The following CFAP61 variants were observed in gnomAD, a reference collection of about 807,000 sequenced individuals.
CFAP61 encodes the protein cilia and flagella associated protein 61, also known as cilia- and flagella-associated protein 61.
In CFAP61, 107 loss-of-function variants were observed where a neutral mutation model predicts 135.6. The observed-to-expected ratio is 0.79, with a 90% CI of 0.67 to 0.93. The LOEUF is 0.93. Ranked by LOEUF, CFAP61 falls within the 40% of genes least tolerant of loss-of-function variation. CFAP61 has a pLI of 0.00. For synonymous variants in CFAP61, 575 were observed against 578.5 expected (o/e 0.99, Z 0.09); for missense variants, 1,507 against 1,556.2 (o/e 0.97, Z 0.53).
chr20:20,249,150 C>T (rs936954429), intron 19 of CFAP61, among the ~76,000 whole-genome samples: 1 of 152,174 alleles, frequency 6.6e-6, no homozygotes, highest in Non-Finnish European at 1.5e-5. Flanking sequence ...AAAAATATCA[C>T]TTACAGTCTT....
chr20:20,090,458 G>A (rs997134177), intron 6 of CFAP61, among the ~76,000 whole-genome samples: 4 of 152,102 alleles, frequency 2.6e-5, no homozygotes, highest in African/African-American at 4.8e-5. Flanking sequence ...CTGGGAGGCC[G>A]AGGCAGGCAG....
chr20:20,205,445 A>G (rs987585739), intron 17 of CFAP61, among the ~76,000 whole-genome samples: 1 of 152,254 alleles, frequency 6.6e-6, no homozygotes, highest in African/African-American at 2.4e-5. Context: ...TACTACAGAT[A>G]TACTTTCCTA....
intron 25 of CFAP61, among the ~76,000 whole-genome samples, chr20:20,319,110 C>T (rs2057300063): frequency 6.6e-6 from 1 of 152,214 alleles, no homozygotes; most frequent in South Asian, 2.1e-4. Flanking sequence ...TAAGTTATCC[C>T]TCATGGCTGA....
In CFAP61 at chr20:20,156,891, T is replaced by C. The variant is rs949559353; in HGVS notation, c.952-2479T>C. Among the ~76,000 whole-genome samples the C allele has an allele frequency of 1.6e-4, 25 of 152,338 alleles. 1 individual carries two copies. In the Middle Eastern group the frequency reaches 0.01, roughly 62 times the overall value. On this transcript the variant is annotated intron_variant, in intron 9 of 26. Transcript: ENST00000245957. ...AGAGATATTCTATGTTCGTGGGATA[T>C]TGAATCTTTAAATCAGTTCTTTGCA...
chr20:20,074,246 T>G, intron 3 of CFAP61, 56 bp from the exon 4 acceptor site: 3 of 1,459,536 alleles, frequency 2.1e-6, no homozygotes, highest in Non-Finnish European at 2.9e-6. Flanking sequence ...CACCCTGTGC[T>G]GACCTAGCCC....
intron 8 of CFAP61, among the ~76,000 whole-genome samples, chr20:20,126,881 T>C (rs1178896932): frequency 2.0e-5 from 3 of 151,842 alleles, no homozygotes; most frequent in Non-Finnish European, 4.4e-5. Flanking sequence ...TTTAACATAA[T>C]CCCAGACTTC....
At chr20:20,056,930 C>G in intron 2 of CFAP61, 134 bp downstream of exon 2, 2 of 730,172 alleles carry the variant, frequency 2.7e-6, no homozygotes, top group Non-Finnish European at 4.6e-6. Flanking sequence ...CCAGCCTGGC[C>G]GACATGGCAA....
intron 2 of CFAP61, among the ~76,000 whole-genome samples, chr20:20,058,903 CAT>C (rs1568795073): frequency 1.3e-5 from 2 of 152,120 alleles, no homozygotes; most frequent in Non-Finnish European, 2.9e-5. Flanking sequence ...CACAAGGAAA[CAT>C]GTATCATTAG....
chr20:20,061,319 A>G (rs954054254), intron 2 of CFAP61, among the ~76,000 whole-genome samples: 6 of 152,256 alleles, frequency 3.9e-5, no homozygotes, highest in African/African-American at 1.4e-4. Context: ...AAATTTTACT[A>G]TATCAGCAAT....
chr20:20,282,701 G>A (rs1305570029), intron 22 of CFAP61, among the ~76,000 whole-genome samples: 1 of 152,188 alleles, frequency 6.6e-6, no homozygotes, highest in African/African-American at 2.4e-5. Flanking sequence ...CACATTGGGA[G>A]ACCTAAGTGG....
chr20:20,310,691 A>G (rs1001942595), intron 25 of CFAP61, among the ~76,000 whole-genome samples: 3 of 152,212 alleles, frequency 2.0e-5, no homozygotes, highest in African/African-American at 7.2e-5. Flanking sequence ...ACAGTGAGGA[A>G]TTTGTGGAAC....
intron 14 of CFAP61, among the ~76,000 whole-genome samples, chr20:20,189,888 G>A (rs1452174576): frequency 3.3e-5 from 5 of 152,122 alleles, no homozygotes; most frequent in Admixed American, 1.3e-4. Flanking sequence ...TCCGCCTCCC[G>A]GGTTCAAGGG....
intron 25 of CFAP61, among the ~76,000 whole-genome samples, chr20:20,328,051 C>T (rs2057833860): frequency 6.6e-6 from 1 of 152,196 alleles, no homozygotes. Flanking sequence ...GTTGTGCAGG[C>T]TGGTTTCAGT....
chr20:20,270,580 ACT>A (rs2053259885), intron 21 of CFAP61, among the ~76,000 whole-genome samples: 1 of 151,612 alleles, frequency 6.6e-6, no homozygotes, highest in African/African-American at 2.4e-5. Context: ...AACTCCTGAA[ACT>A]CTTACATACT....
Position 20,187,909 on chromosome 20 carries a change from T to C in CFAP61, c.1386-21T>C, listed in dbSNP as rs771932800. The C allele has an allele frequency of 6.2e-6, 10 of 1,601,404 alleles. No homozygotes were observed. In the East Asian group the frequency reaches 2.2e-4, roughly 36 times the overall value. ...CATATTTAGTACTTTAACTTAAAAA[T>C]ATATTCCTCTCCTTACCCAGGTCCA... On this transcript the variant is annotated intron_variant, in intron 13 of 26. Transcript: ENST00000245957.
intron 8 of CFAP61, among the ~76,000 whole-genome samples, chr20:20,111,300 C>A (rs984048333): frequency 2.0e-5 from 3 of 152,222 alleles, no homozygotes; most frequent in African/African-American, 7.2e-5. Context: ...CCTGCTGGGA[C>A]TAGGAAGTCA....
intron 24 of CFAP61, among the ~76,000 whole-genome samples, chr20:20,293,535 A>G (rs2055163090): frequency 6.6e-6 from 1 of 152,234 alleles, no homozygotes; most frequent in African/African-American, 2.4e-5. Context: ...AGTCACCTAA[A>G]TATAGCCAAT....
At chr20:20,250,718 C>G (rs1194011576) in intron 19 of CFAP61, among the ~76,000 whole-genome samples, 1 of 152,216 alleles carries the variant, frequency 6.6e-6, no homozygotes, top group Middle Eastern at 3.2e-3. Context: ...TCTCAGTATT[C>G]AGAACAGAAT....
intron 8 of CFAP61, among the ~76,000 whole-genome samples, chr20:20,135,660 T>C (rs2050869987): frequency 6.6e-6 from 1 of 152,178 alleles, no homozygotes; most frequent in Admixed American, 6.5e-5. Context: ...AAAACTACAC[T>C]TTATCTCCTG....
Sources: gnomAD v4.1 joint callset for allele counts (sites outside exome capture counted in the v4.1 genomes callset) on GRCh38, gnomAD v4.1.1 for gene constraint, MANE v1.5 for transcripts, NCBI Gene and HGNC (gene_info 2026-07-23, HGNC 2026-07-21) for gene names.